Variants in ARHGAP20 observed in about 807,000 individuals in gnomAD.
ARHGAP20 encodes the protein Rho GTPase activating protein 20, also known as rho GTPase-activating protein 20.
A neutral mutation model predicts 73.7 loss-of-function variants in ARHGAP20; 34 were observed. The ratio of observed to expected loss-of-function variants is 0.46; its 90% CI spans 0.35 to 0.61. The LOEUF is 0.61. Ranked by LOEUF, ARHGAP20 falls within the 20% of genes least tolerant of loss-of-function variation. The pLI is 0.00. For synonymous variants in ARHGAP20, 523 were observed against 518.2 expected (o/e 1.01, Z -0.13); for missense variants, 1,314 against 1,420.9 (o/e 0.92, Z 1.21).
intron 9 of ARHGAP20, among the ~76,000 whole-genome samples, chr11:110,593,116 C>A (rs976758941): frequency 1.3e-5 from 2 of 152,036 alleles, no homozygotes; most frequent in Admixed American, 1.3e-4. Flanking sequence ...ACAGATAGAG[C>A]ATCTGGCATA....
At chr11:110,638,847 T>C (rs1278649972) in intron 2 of ARHGAP20, among the ~76,000 whole-genome samples, 4 of 151,826 alleles carry the variant, frequency 2.6e-5, no homozygotes, top group African/African-American at 9.7e-5. Context: ...CTGGGGACTG[T>C]TGCGGGGTGG....
At chr11:110,585,378 T>C (rs116388939) in intron 12 of ARHGAP20, among the ~76,000 whole-genome samples, 3,681 of 151,596 alleles carry the variant, frequency 0.024, 138 homozygotes, top group African/African-American at 0.079. Flanking sequence ...CAAACTATAA[T>C]GGAAGTGGAG....
intron 11 of ARHGAP20, among the ~76,000 whole-genome samples, chr11:110,587,123 C>A (rs145177764): frequency 2.0e-5 from 3 of 152,152 alleles, no homozygotes; most frequent in African/African-American, 7.2e-5. Flanking sequence ...TGTTGTTTAG[C>A]TTTTGTTGTT....
At chr11:110,597,357 C>G (rs1434905603) in intron 9 of ARHGAP20, among the ~76,000 whole-genome samples, 1 of 150,646 alleles carries the variant, frequency 6.6e-6, no homozygotes, top group South Asian at 2.1e-4. Context: ...GGTTCCTGTA[C>G]GTCTAGCAAG....
chr11:110,647,951 AAGAATCCATTG>A (rs1010781012), intron 2 of ARHGAP20, among the ~76,000 whole-genome samples: 112 of 152,008 alleles, frequency 7.4e-4, no homozygotes, highest in African/African-American at 2.4e-3. Context: ...TGTTGAAGTT[AAGAATCCATTG>A]ATATGTTATA....
chr11:110,581,831 AGTGT>A (rs1947477526), intron 14 of ARHGAP20, among the ~76,000 whole-genome samples: 1 of 151,770 alleles, frequency 6.6e-6, no homozygotes, highest in Admixed American at 6.6e-5. Flanking sequence ...CTTCGAATTC[AGTGT>A]TCCCCCACCT....
intron 9 of ARHGAP20, among the ~76,000 whole-genome samples, chr11:110,594,958 C>A (rs1371576659): frequency 6.6e-6 from 1 of 151,514 alleles, no homozygotes; most frequent in Non-Finnish European, 1.5e-5. Flanking sequence ...ATCCAGTGGG[C>A]TTCATCCCTG....
intron 12 of ARHGAP20, among the ~76,000 whole-genome samples, chr11:110,584,232 C>T (rs1021745799): frequency 1.3e-5 from 2 of 152,180 alleles, no homozygotes; most frequent in African/African-American, 2.4e-5. Flanking sequence ...TTATGTTCTG[C>T]TCCACCAACT....
intron 1 of ARHGAP20, chr11:110,711,548 G>T (rs1400184353): frequency 7.5e-6 from 10 of 1,338,116 alleles, no homozygotes; most frequent in African/African-American, 3.1e-5. Context: ...ACCCTGGTGT[G>T]GGGGGCAGTA....
chr11:110,689,024 A>G, intron 2 of ARHGAP20, among the ~76,000 whole-genome samples: 1 of 142,662 alleles, frequency 7.0e-6, no homozygotes, highest in African/African-American at 2.7e-5. Context: ...TTGGAGATGG[A>G]GTCTCGCTCT....
chr11:110,655,954 C>A (rs529978765), intron 2 of ARHGAP20, among the ~76,000 whole-genome samples: 1 of 152,102 alleles, frequency 6.6e-6, no homozygotes, highest in Non-Finnish European at 1.5e-5. Flanking sequence ...TTTATTTTCT[C>A]ATACGAGACA....
In ARHGAP20 at chr11:110,577,924, CAAAT is replaced by C. The variant is rs1250403229; in HGVS notation, c.*1442_*1445del. On this transcript the variant is annotated 3_prime_UTR_variant, in exon 15 of 15. Transcript: ENST00000683387. ...GACCATTTTCTGGTGATTAATAAGA[CAAAT>C]AATTTGGAATAAGCTAGCTTGTGAG... is the stretch of plus-strand genomic sequence containing the variant. The C allele has an allele frequency of 7.1e-6, 7 of 985,366 alleles. No homozygotes were observed. Among genetic ancestry groups the C allele is most frequent in the Non-Finnish European group, 8.4e-6 (7 of 829,780 alleles). 61.0% of individuals were successfully genotyped at this position (985,366 alleles called of 1,614,324 possible). A position where few individuals can be genotyped will look rare whatever the true frequency, so the allele number is the denominator to read the frequency against.
chr11:110,712,122 C>T lies in ARHGAP20; in HGVS notation c.105+5G>A. The stretch of plus-strand genomic sequence containing the variant: ...AGGGCACGGGCCCCCGCTCAGCGTC[C>T]TCACCTTCTTGGTGCAGCTGCCTCC... On this transcript the variant is annotated splice_donor_5th_base_variant and intron_variant, in intron 1 of 14. Coordinates refer to ENST00000683387, the MANE Select transcript of ARHGAP20 (RefSeq NM_001384657.1). 1.5e-6 allele frequency: 2 copies of T among 1,342,750 alleles called. No individual in the cohort carries two copies. Among genetic ancestry groups the T allele is most frequent in the Non-Finnish European group, 1.9e-6 (2 of 1,043,226 alleles). The allele number at this position is 1,342,750 out of a possible 1,614,324, so 83.2% of individuals were successfully genotyped here.
Position 110,614,662 on chromosome 11 carries a change from G to A in ARHGAP20, c.546-17C>T, listed in dbSNP as rs1165089455. On this transcript the variant is annotated splice_polypyrimidine_tract_variant and intron_variant, in intron 5 of 14. Transcript: ENST00000683387. ...TTGATGTATCTAATCAAATGCAACA[G>A]CAACCCAAAACAACACTGAGTCAGA... 1 of 1,550,724 alleles carries A rather than the reference G, an allele frequency of 6.4e-7. No individual in the cohort carries two copies. Among genetic ancestry groups the A allele is most frequent in the Non-Finnish European group, 8.8e-7 (1 of 1,138,148 alleles).
intron 2 of ARHGAP20, among the ~76,000 whole-genome samples, chr11:110,648,729 T>G (rs1949283512): frequency 6.6e-6 from 1 of 152,048 alleles, no homozygotes; most frequent in Non-Finnish European, 1.5e-5. Flanking sequence ...GAGATCCACC[T>G]GCCTAGGCCT....
chr11:110,627,283 G>A (rs958549255), intron 3 of ARHGAP20, among the ~76,000 whole-genome samples: 9 of 151,980 alleles, frequency 5.9e-5, no homozygotes, highest in Non-Finnish European at 1.0e-4. Context: ...GTAGAGATGG[G>A]GGTTTTGCCA....
intron 1 of ARHGAP20, among the ~76,000 whole-genome samples, chr11:110,694,051 CA>C (rs1950291631): frequency 6.6e-6 from 1 of 151,808 alleles, no homozygotes; most frequent in Non-Finnish European, 1.5e-5. Context: ...CAAAAATACT[CA>C]ATTAATTAAT....
rs75557823 is a variant in ARHGAP20 at position 110,583,089 on chromosome 11, C to T, written c.1605+459G>A. Reference sequence around the variant, plus strand: ...TAAGAGCAAAGGGAACTGATATCCCCACACCCCTTATTAACTGTCAGGGAC... The same window carrying T: ...TAAGAGCAAAGGGAACTGATATCCCTACACCCCTTATTAACTGTCAGGGAC... On this transcript the variant is annotated intron_variant, in intron 13 of 14. Transcript: ENST00000683387. Among the ~76,000 whole-genome samples, 41 of 152,322 alleles carry T rather than the reference C, an allele frequency of 2.7e-4. No homozygotes were observed. The East Asian group carries it at 7.9e-3, about 29-fold the overall frequency.
chr11:110,657,663 G>A (rs750898854), intron 2 of ARHGAP20, among the ~76,000 whole-genome samples: 40 of 152,114 alleles, frequency 2.6e-4, no homozygotes, highest in Non-Finnish European at 4.9e-4. Flanking sequence ...GGGAGGATGA[G>A]GTGGGCAGAT....
Sources: gnomAD v4.1 joint callset for allele counts (sites outside exome capture counted in the v4.1 genomes callset) on GRCh38, gnomAD v4.1.1 for gene constraint, MANE v1.5 for transcripts, NCBI Gene and HGNC (gene_info 2026-07-23, HGNC 2026-07-21) for gene names.